Variants in LANCL2 observed in about 807,000 individuals in gnomAD.
LANCL2 encodes lanC-like protein 2.
LANCL2 carries 33 observed loss-of-function variants against 56.9 expected under a neutral mutation model. The observed-to-expected ratio is 0.58, with a 90% CI of 0.44 to 0.78. The LOEUF (loss-of-function observed/expected upper bound fraction) is 0.78. LANCL2 is among the 30% of genes least tolerant of loss of function. The pLI, the probability that LANCL2 is intolerant of heterozygous loss-of-function variation, is 0.00. For synonymous variants in LANCL2, 233 were observed against 228.2 expected (o/e 1.02, Z -0.19); for missense variants, 562 against 580.2 (o/e 0.97, Z 0.32).
chr7:55,398,442 G>A lies in LANCL2; in HGVS notation c.342G>A (p.Leu114=). 2 of 1,614,014 alleles carry A rather than the reference G, an allele frequency of 1.2e-6. No homozygotes were observed. Among genetic ancestry groups the A allele is most frequent in the Non-Finnish European group, 8.5e-7 (1 of 1,179,878 alleles). The change falls in exon 3 of 9, where the codon CTG becomes CTA. Residue 114 remains leucine (L), a synonymous_variant. Coordinates refer to ENST00000254770, the MANE Select transcript of LANCL2 (RefSeq NM_018697.4). The part of the protein sequence containing the change: ...TGWTGIALLY[L]QLYRVTCDQT... ...TTCCAGGCATAGCCCTTTTGTACCT[G>A]CAGTTGTACCGGGTCACATGTGACC... is the stretch of plus-strand genomic sequence containing the variant.
chr7:55,430,033 C>T (rs893903707), intron 8 of LANCL2, among the ~76,000 whole-genome samples: 2 of 152,234 alleles, frequency 1.3e-5, no homozygotes, highest in African/African-American at 2.4e-5. Flanking sequence ...TGCTGGAGTG[C>T]ACCGCCCAGT....
At chr7:55,395,641 G>C (rs964398143) in intron 2 of LANCL2, among the ~76,000 whole-genome samples, 1 of 152,078 alleles carries the variant, frequency 6.6e-6, no homozygotes, top group Non-Finnish European at 1.5e-5. Flanking sequence ...GATAAAGAGA[G>C]ACTTCAGTTT....
chr7:55,415,916 G>A (rs1042849598), intron 6 of LANCL2, among the ~76,000 whole-genome samples: 2 of 152,028 alleles, frequency 1.3e-5, no homozygotes, highest in Non-Finnish European at 2.9e-5. Flanking sequence ...TGTCCGGCCA[G>A]TTTATCATTG....
chr7:55,431,391 A>T lies in LANCL2; in HGVS notation c.*71A>T. 9.6e-7 allele frequency: 1 copy of T among 1,046,098 alleles called. No individual in the cohort carries two copies. The highest frequency in any genetic ancestry group is 2.4e-5 in the East Asian group (1 of 41,540). 64.8% of individuals were successfully genotyped at this position (1,046,098 alleles called of 1,614,324 possible). A position where few individuals can be genotyped will look rare whatever the true frequency, so the allele number is the denominator to read the frequency against. ...CCAGATTGCTTAGTGCCTGACACAG[A>T]AACAACTGGGAATCCTGAAAGAGAA... On this transcript the variant is annotated 3_prime_UTR_variant, in exon 9 of 9. Coordinates refer to ENST00000254770, the MANE Select transcript of LANCL2 (RefSeq NM_018697.4).
chr7:55,376,116 C>T (rs1789997370), intron 1 of LANCL2, among the ~76,000 whole-genome samples: 1 of 152,166 alleles, frequency 6.6e-6, no homozygotes, highest in Non-Finnish European at 1.5e-5. Context: ...GGGGGCCATT[C>T]TGCCTACCAT....
chr7:55,372,429 T>A (rs1435037189), intron 1 of LANCL2, among the ~76,000 whole-genome samples: 1 of 143,910 alleles, frequency 6.9e-6, no homozygotes, highest in African/African-American at 2.5e-5. Flanking sequence ...TTGATGTAAA[T>A]GGTTAAATTG....
chr7:55,410,030 G>A (rs1790454372), intron 5 of LANCL2, among the ~76,000 whole-genome samples: 1 of 152,200 alleles, frequency 6.6e-6, no homozygotes, highest in Non-Finnish European at 1.5e-5. Flanking sequence ...GAAGGAAAGT[G>A]TCCCTCATCT....
intron 5 of LANCL2, among the ~76,000 whole-genome samples, chr7:55,405,498 T>C (rs891972899): frequency 2.0e-5 from 3 of 151,372 alleles, no homozygotes; most frequent in Non-Finnish European, 4.4e-5. Context: ...AACTTTTTTT[T>C]TTTTTTTTTT....
rs748974410 is a variant in LANCL2, at chr7:55,366,034, G to C, written c.9G>C (p.Glu3Asp). The C allele has an allele frequency of 4.0e-6, 6 of 1,486,442 alleles. No individual in the cohort carries two copies. The highest frequency in any genetic ancestry group is 3.8e-5 in the South Asian group (3 of 78,276). The allele number at this position is 1,486,442 out of a possible 1,614,324, so 92.1% of individuals were successfully genotyped here. A position where few individuals can be genotyped will look rare whatever the true frequency, so the allele number is the denominator to read the frequency against. Residue 3 changes from glutamate to aspartate, a missense_variant, in exon 1 of 9, where the codon GAG becomes GAC. By Grantham distance (45) the Glu-to-Asp change is conservative. Around this residue, in one of 2 missense-constraint regions of LANCL2, gnomAD observed 184 missense variants for 111.8 expected, o/e 1.65. Transcript: ENST00000254770. ...GCCGTACCGCGGCGGAGATGGGCGA[G>C]ACCATGTCAAAGAGGCTGAAGCTCC... MG[E>D]TMSKRLKLHL... is the part of the protein sequence containing the mutation.
intron 6 of LANCL2, among the ~76,000 whole-genome samples, chr7:55,413,932 G>C (rs1790498386): frequency 6.6e-6 from 1 of 152,166 alleles, no homozygotes; most frequent in South Asian, 2.1e-4. Context: ...TTTCAAAATA[G>C]CTAGAAGAGA....
At chr7:55,374,433 C>T (rs528816469) in intron 1 of LANCL2, among the ~76,000 whole-genome samples, 9 of 152,252 alleles carry the variant, frequency 5.9e-5, no homozygotes, top group African/African-American at 2.2e-4. Flanking sequence ...TGCAAAATAG[C>T]GTTATCTTGA....
At chr7:55,419,362 G>T in intron 6 of LANCL2, among the ~76,000 whole-genome samples, 1 of 140,808 alleles carries the variant, frequency 7.1e-6, no homozygotes, top group Non-Finnish European at 1.6e-5. Context: ...TTAATGTTTA[G>T]TAAGGTCTGA....
intron 5 of LANCL2, among the ~76,000 whole-genome samples, chr7:55,402,437 A>G (rs1202028217): frequency 4.2e-4 from 29 of 69,666 alleles, no homozygotes; most frequent in Admixed American, 9.5e-4. Flanking sequence ...TGACCCCACC[A>G]CCTCCCTCCC....
chr7:55,430,203 TTAAAC>T (rs1446334437), intron 8 of LANCL2, among the ~76,000 whole-genome samples: 2 of 152,210 alleles, frequency 1.3e-5, no homozygotes, highest in African/African-American at 4.8e-5. Context: ...GAACCTTTCT[TTAAAC>T]AAAAACTTAC....
intron 5 of LANCL2, among the ~76,000 whole-genome samples, chr7:55,402,199 G>A (rs1269939922): frequency 1.2e-4 from 18 of 150,264 alleles, no homozygotes; most frequent in African/African-American, 3.4e-4. Flanking sequence ...GGGGCGGCCA[G>A]GCAGAGGCGC....
intron 1 of LANCL2, among the ~76,000 whole-genome samples, chr7:55,390,949 T>A (rs969067866): frequency 2.0e-5 from 3 of 151,826 alleles, no homozygotes; most frequent in Admixed American, 6.6e-5. Context: ...ATATATTTTT[T>A]AATCTGGTAA....
intron 1 of LANCL2, among the ~76,000 whole-genome samples, chr7:55,374,451 A>C (rs1191209666): frequency 6.6e-6 from 1 of 152,228 alleles, no homozygotes; most frequent in Non-Finnish European, 1.5e-5. Flanking sequence ...TGATAGAGTC[A>C]GTTTAGGTAA....
intron 1 of LANCL2, among the ~76,000 whole-genome samples, chr7:55,386,476 G>A (rs139315239): frequency 1.7e-4 from 26 of 152,298 alleles, no homozygotes; most frequent in Middle Eastern, 6.8e-3. Context: ...GCTGGGATTG[G>A]TTTTACAGAA....
In LANCL2 at chr7:55,420,860, C is replaced by A. The variant is rs535836658; in HGVS notation, c.1009-4394C>A. On this transcript the variant is annotated intron_variant, in intron 6 of 8. Transcript: ENST00000254770. ...ATGGGAGGAGGAGTTTTACAGTCTC[C>A]CAACTGTTTATTTTCTTCTCTTTAA... Among the ~76,000 whole-genome samples the A allele has an allele frequency of 7.2e-5, 11 of 152,258 alleles. No individual in the cohort carries two copies. The South Asian group carries it at 2.3e-3, about 32-fold the overall frequency.
Sources: gnomAD v4.1 joint callset for allele counts (sites outside exome capture counted in the v4.1 genomes callset) on GRCh38, gnomAD v4.1.1 for gene constraint, gnomAD v4.1.1 regional missense constraint, MANE v1.5 for transcripts, NCBI Gene and HGNC (gene_info 2026-07-23, HGNC 2026-07-21) for gene names.